HS3ST5: variants seen among roughly 807,000 people sequenced by gnomAD.
HS3ST5 encodes the protein heparan sulfate glucosamine 3-O-sulfotransferase 5.
A neutral mutation model predicts 25.4 loss-of-function variants in HS3ST5; 10 were observed. That is an observed-to-expected ratio of 0.39 (90% CI 0.24 to 0.67). The LOEUF (loss-of-function observed/expected upper bound fraction) is 0.67. Among genes scored for constraint, HS3ST5 ranks in the 30% least tolerant of loss-of-function variants. The pLI, the probability that HS3ST5 is intolerant of heterozygous loss-of-function variation, is 0.44. For synonymous variants in HS3ST5, 170 were observed against 162.4 expected, an observed-to-expected ratio of 1.05 and a Z score of -0.36; for missense variants, 324 against 420.7, an observed-to-expected ratio of 0.77 and a Z score of 2.01.
chr6:114,301,548 A>C (rs890502938), intron 1 of HS3ST5, among the ~76,000 whole-genome samples: 1 of 152,170 alleles, frequency 6.6e-6, no homozygotes, highest in Non-Finnish European at 1.5e-5. Flanking sequence ...TAAGGGATCT[A>C]CATCTGGAAG....
intron 1 of HS3ST5, among the ~76,000 whole-genome samples, chr6:114,264,754 T>C (rs1255543911): frequency 6.6e-6 from 1 of 152,176 alleles, no homozygotes; most frequent in African/African-American, 2.4e-5. Context: ...CAGTATCATA[T>C]GTGATCACCT....
chr6:114,153,424 A>G (rs762442851), intron 3 of HS3ST5, among the ~76,000 whole-genome samples: 4 of 152,152 alleles, frequency 2.6e-5, no homozygotes, highest in Non-Finnish European at 5.9e-5. Context: ...CTATATTTGC[A>G]CTGATCCACT....
At chr6:114,278,323 CATT>C (rs1352287627) in intron 1 of HS3ST5, among the ~76,000 whole-genome samples, 3 of 151,978 alleles carry the variant, frequency 2.0e-5, no homozygotes, top group African/African-American at 4.8e-5. Flanking sequence ...TTTTTCTTGT[CATT>C]ATTATTAATT....
At chr6:114,220,627 G>C (rs1382632717) in intron 2 of HS3ST5, 1 of 151,628 alleles carries the variant, frequency 6.6e-6, no homozygotes, top group African/African-American at 2.4e-5. Context: ...TAAATATATG[G>C]TAAGTCATTT....
intron 3 of HS3ST5, chr6:114,131,368 G>A (rs757092711): frequency 6.6e-6 from 1 of 152,256 alleles, no homozygotes. Flanking sequence ...TGTTATAAAA[G>A]TAAACTTTTA....
At chr6:114,075,505 G>T (rs1774072864) in intron 3 of HS3ST5, among the ~76,000 whole-genome samples, 1 of 152,226 alleles carries the variant, frequency 6.6e-6, no homozygotes, top group East Asian at 1.9e-4. Context: ...TACTTGTGGT[G>T]AGACATGAGC....
At chr6:114,109,165 G>GA (rs989997100) in intron 3 of HS3ST5, among the ~76,000 whole-genome samples, 76 of 143,678 alleles carry the variant, frequency 5.3e-4, no homozygotes, top group African/African-American at 1.0e-3. Flanking sequence ...CCTGTCTCAA[G>GA]AAAAAAAAAA....
At chr6:114,256,986 G>A (rs1772955671) in intron 1 of HS3ST5, among the ~76,000 whole-genome samples, 2 of 152,214 alleles carry the variant, frequency 1.3e-5, no homozygotes, top group African/African-American at 4.8e-5. Flanking sequence ...CCTCTTATAT[G>A]GTGGCAAGCA....
At chr6:114,116,239 G>A (rs534804682) in intron 3 of HS3ST5, 1 of 152,068 alleles carries the variant, frequency 6.6e-6, no homozygotes, top group Non-Finnish European at 1.5e-5. Context: ...AATGGAGAAT[G>A]AGATTACCTT....
chr6:114,116,136 G>C (rs1309698831), intron 3 of HS3ST5: 1 of 152,004 alleles, frequency 6.6e-6, no homozygotes, highest in African/African-American at 2.4e-5. Flanking sequence ...AGACTTTGGC[G>C]TTCTCAGAAG....
In HS3ST5 at chr6:114,341,942, CCTT is replaced by C. The variant is rs1352354374; in HGVS notation, c.-339+250_-339+252del. 5.9e-5 allele frequency among the ~76,000 whole-genome samples: 9 copies of C among 152,294 alleles called. No individual in the cohort carries two copies. In the East Asian group the frequency reaches 7.8e-4, roughly 13 times the overall value. On this transcript the variant is annotated intron_variant, in intron 1 of 4. Coordinates refer to ENST00000312719, the MANE Select transcript of HS3ST5 (RefSeq NM_153612.4). ...AAACAGACAGGCAGGCTGACTGACA[CCTT>C]CTGTCTAATTTTACCCCAGGAATTG...
chr6:114,252,541 T>C (rs1772710477), intron 1 of HS3ST5, among the ~76,000 whole-genome samples: 1 of 152,160 alleles, frequency 6.6e-6, no homozygotes, highest in South Asian at 2.1e-4. Flanking sequence ...TATTTGAGGA[T>C]TATTGTGGGG....
intron 1 of HS3ST5, among the ~76,000 whole-genome samples, chr6:114,286,099 C>T (rs1221844699): frequency 6.6e-6 from 1 of 151,772 alleles, no homozygotes; most frequent in East Asian, 1.9e-4. Context: ...CCGGTGTCTA[C>T]TTTTCAATAA....
intron 1 of HS3ST5, among the ~76,000 whole-genome samples, chr6:114,295,071 C>T (rs1191479385): frequency 6.6e-6 from 1 of 151,976 alleles, no homozygotes; most frequent in Non-Finnish European, 1.5e-5. Context: ...AGATAGCTGG[C>T]ATCAGAACAA....
chr6:114,177,335 C>T (rs1779768981), intron 2 of HS3ST5, among the ~76,000 whole-genome samples: 1 of 152,160 alleles, frequency 6.6e-6, no homozygotes, highest in South Asian at 2.1e-4. Flanking sequence ...CAGACTTAAA[C>T]CTATGGGAAC....
At chr6:114,087,013 C>T (rs1774875290) in intron 3 of HS3ST5, among the ~76,000 whole-genome samples, 2 of 151,794 alleles carry the variant, frequency 1.3e-5, no homozygotes, top group Non-Finnish European at 3.0e-5. Flanking sequence ...AAGCTGACTC[C>T]TCTCTGTCTT....
At chr6:114,268,434 C>A (rs72956210) in intron 1 of HS3ST5, among the ~76,000 whole-genome samples, 8,907 of 152,144 alleles carry the variant, frequency 0.059, 326 homozygotes, top group Middle Eastern at 0.12. Context: ...CCTAAGAGGG[C>A]CCTTACCTAG....
intron 3 of HS3ST5, among the ~76,000 whole-genome samples, chr6:114,065,434 A>C (rs1773394613): frequency 6.6e-6 from 1 of 152,212 alleles, no homozygotes. Flanking sequence ...GGGTGGCAGA[A>C]AGAAAACTGT....
At chr6:114,234,152 G>C (rs375293093) in intron 1 of HS3ST5, among the ~76,000 whole-genome samples, 1 of 152,094 alleles carries the variant, frequency 6.6e-6, no homozygotes, top group African/African-American at 2.4e-5. Context: ...TCCTGAGTAG[G>C]CTTAATCTTC....
Sources: allele counts gnomAD v4.1 joint callset (sites outside exome capture counted in the v4.1 genomes callset), GRCh38; gene constraint gnomAD v4.1.1; transcripts MANE v1.5; gene names NCBI Gene and HGNC (gene_info 2026-07-23, HGNC 2026-07-21).